The following PRKG1 variants were observed in gnomAD, a reference collection of about 807,000 sequenced individuals.
The protein encoded by PRKG1 is protein kinase cGMP-dependent 1.
A neutral mutation model predicts 88.1 loss-of-function variants in PRKG1; 35 were observed. That is an observed-to-expected ratio of 0.40 (90% CI 0.30 to 0.53). PRKG1 has a LOEUF of 0.53. PRKG1 is among the 20% of genes least tolerant of loss of function. The pLI is 0.59. For missense variants in PRKG1, 540 were observed against 839.8 expected (o/e 0.64, Z 4.41); for synonymous variants, 303 against 292.5 (o/e 1.04, Z -0.37).
chr10:51,975,397 A>G (rs879916028), intron 5 of PRKG1, among the ~76,000 whole-genome samples: 4 of 152,076 alleles, frequency 2.6e-5, no homozygotes, highest in Non-Finnish European at 4.4e-5. Context: ...AGCGGGGGAA[A>G]TAGGTTATGA....
At chr10:51,697,749 T>A (rs942949158) in intron 3 of PRKG1, 2 of 1,614,168 alleles carry the variant, frequency 1.2e-6, no homozygotes, top group Non-Finnish European at 8.5e-7. Context: ...ATCAGGATAC[T>A]CTGCCTTTGC....
chr10:52,035,563 G>A (rs1472799175), intron 5 of PRKG1, among the ~76,000 whole-genome samples: 2 of 152,096 alleles, frequency 1.3e-5, no homozygotes, highest in Admixed American at 6.5e-5. Context: ...GAAATTTGGG[G>A]AAATGGGGTG....
At chr10:51,273,874 A>G (rs747366303) in intron 2 of PRKG1, among the ~76,000 whole-genome samples, 1 of 152,194 alleles carries the variant, frequency 6.6e-6, no homozygotes, top group Non-Finnish European at 1.5e-5. Context: ...TCAGGATATA[A>G]GCATTAGTTT....
intron 5 of PRKG1, among the ~76,000 whole-genome samples, chr10:51,936,045 T>C (rs1842793469): frequency 1.3e-5 from 2 of 152,036 alleles, no homozygotes; most frequent in South Asian, 2.1e-4. Context: ...TCCCATTTTA[T>C]TGAATGGCAA....
intron 3 of PRKG1, among the ~76,000 whole-genome samples, chr10:51,754,940 A>G (rs1837818849): frequency 6.6e-6 from 1 of 151,946 alleles, no homozygotes; most frequent in African/African-American, 2.4e-5. Context: ...GGCACTGTCA[A>G]CTATGAGGCA....
intron 3 of PRKG1, chr10:51,699,673 T>G: frequency 1.8e-6 from 2 of 1,119,164 alleles, no homozygotes; most frequent in East Asian, 4.8e-5. Context: ...CTAATTCGCT[T>G]GAATCGTTCC....
chr10:51,424,378 A>G (rs1203619970), intron 2 of PRKG1, among the ~76,000 whole-genome samples: 1 of 152,100 alleles, frequency 6.6e-6, no homozygotes, highest in African/African-American at 2.4e-5. Flanking sequence ...AATATTTTCT[A>G]AAGCAGTAAT....
chr10:51,574,056 G>A (rs2132172951), intron 3 of PRKG1, among the ~76,000 whole-genome samples: 1 of 152,072 alleles, frequency 6.6e-6, no homozygotes, highest in East Asian at 1.9e-4. Flanking sequence ...CAACTTTACT[G>A]TCGATCAGTT....
chr10:51,075,655 C>G (rs1280217280), intron 1 of PRKG1, among the ~76,000 whole-genome samples: 2 of 152,228 alleles, frequency 1.3e-5, no homozygotes, highest in East Asian at 3.8e-4. Flanking sequence ...GGGTCAGATA[C>G]AGATAAGCAC....
chr10:51,458,430 C>T (rs1398733226), intron 2 of PRKG1, among the ~76,000 whole-genome samples: 3 of 129,620 alleles, frequency 2.3e-5, no homozygotes, highest in Admixed American at 2.1e-4. Flanking sequence ...TATTTAATAA[C>T]CCTTTTTTTT....
chr10:51,745,258 A>T (rs1250373072), intron 3 of PRKG1, among the ~76,000 whole-genome samples: 2 of 152,166 alleles, frequency 1.3e-5, no homozygotes. Context: ...CAGTGATTAT[A>T]CATTTATTAA....
intron 3 of PRKG1, among the ~76,000 whole-genome samples, chr10:51,771,975 C>G (rs547245015): frequency 1.7e-4 from 26 of 152,022 alleles, no homozygotes; most frequent in Non-Finnish European, 3.4e-4. Flanking sequence ...GAATTGATTA[C>G]ATTGTTATGG....
intron 3 of PRKG1, among the ~76,000 whole-genome samples, chr10:51,661,843 T>C (rs1840307394): frequency 6.6e-6 from 1 of 152,290 alleles, no homozygotes; most frequent in East Asian, 1.9e-4. Context: ...TGTCCATCAA[T>C]GACAGACTGG....
intron 2 of PRKG1, among the ~76,000 whole-genome samples, chr10:51,196,524 C>T (rs1837770858): frequency 1.3e-5 from 2 of 152,076 alleles, no homozygotes; most frequent in African/African-American, 2.4e-5. Flanking sequence ...AAAAATTGTA[C>T]CAACTTTTAT....
At chr10:51,856,926 T>C (rs1216260384) in intron 4 of PRKG1, among the ~76,000 whole-genome samples, 1 of 145,154 alleles carries the variant, frequency 6.9e-6, no homozygotes, top group Non-Finnish European at 1.5e-5. Flanking sequence ...ATTGCGCCAC[T>C]GCACTCCAGT....
intron 2 of PRKG1, among the ~76,000 whole-genome samples, chr10:51,266,271 G>T (rs1023535527): frequency 7.2e-5 from 11 of 152,162 alleles, no homozygotes; most frequent in Admixed American, 3.3e-4. Flanking sequence ...TGACGTAAAA[G>T]AGTTGTACTT....
chr10:51,581,301 C>T (rs1280414843), intron 3 of PRKG1, among the ~76,000 whole-genome samples: 4 of 152,220 alleles, frequency 2.6e-5, no homozygotes, highest in Middle Eastern at 3.4e-3. Context: ...TATTAATCAG[C>T]AGGAACAGTT....
chr10:52,039,119 A>G (rs1191070630), intron 5 of PRKG1, among the ~76,000 whole-genome samples: 1 of 152,136 alleles, frequency 6.6e-6, no homozygotes, highest in East Asian at 1.9e-4. Flanking sequence ...AATTTCATGC[A>G]CGTCCGTGTG....
At chr10:52,081,475 C>T (rs994204450) in intron 7 of PRKG1, 5 of 420,362 alleles carry the variant, frequency 1.2e-5, no homozygotes, top group African/African-American at 2.0e-5. Flanking sequence ...CCCCTCCTCA[C>T]ACCACCTAGC....
Sources: gnomAD v4.1 joint callset for allele counts (sites outside exome capture counted in the v4.1 genomes callset) on GRCh38, gnomAD v4.1.1 for gene constraint, MANE v1.5 for transcripts, NCBI Gene and HGNC (gene_info 2026-07-23, HGNC 2026-07-21) for gene names.